The following GALNT2 variants were observed in gnomAD, a reference collection of about 807,000 sequenced individuals.
GALNT2 encodes polypeptide N-acetylgalactosaminyltransferase 2.
GALNT2 carries 31 observed loss-of-function variants against 81.4 expected under a neutral mutation model. The observed-to-expected ratio is 0.38, with a 90% CI of 0.29 to 0.51. The LOEUF (loss-of-function observed/expected upper bound fraction) is 0.51. Among genes scored for constraint, GALNT2 ranks in the 20% least tolerant of loss-of-function variants. GALNT2 has a pLI of 0.87. For synonymous variants in GALNT2, 303 were observed against 287.4 expected (o/e 1.05, Z -0.55); for missense variants, 629 against 765.7 (o/e 0.82, Z 2.11).
At chr1:230,196,021 G>A (rs1027979198) in intron 2 of GALNT2, among the ~76,000 whole-genome samples, 3 of 152,168 alleles carry the variant, frequency 2.0e-5, no homozygotes, top group Non-Finnish European at 4.4e-5. Flanking sequence ...AGCATCCTTC[G>A]TTCCACAGCC....
At chr1:230,060,418 C>T (rs4846895) in intron 1 of GALNT2, among the ~76,000 whole-genome samples, 135,135 of 152,134 alleles carry the variant, frequency 0.89, 60,133 homozygotes, top group Admixed American at 0.93. Flanking sequence ...AGAGTCTCTC[C>T]GCAGACTCAG....
At chr1:230,097,486 A>G (rs1057168522) in intron 1 of GALNT2, among the ~76,000 whole-genome samples, 1 of 152,224 alleles carries the variant, frequency 6.6e-6, no homozygotes, top group African/African-American at 2.4e-5. Flanking sequence ...TATTAGTGGA[A>G]TCATACAGTA....
At chr1:230,252,840 C>CTCCTT (rs1665590023) in intron 10 of GALNT2, among the ~76,000 whole-genome samples, 1 of 80,548 alleles carries the variant, frequency 1.2e-5, no homozygotes, top group African/African-American at 5.3e-5. Flanking sequence ...ATAGAGACAA[C>CTCCTT]TTCTTTTTTT....
At chr1:230,197,298 G>A (rs1308953531) in intron 2 of GALNT2, among the ~76,000 whole-genome samples, 3 of 152,180 alleles carry the variant, frequency 2.0e-5, no homozygotes, top group Non-Finnish European at 2.9e-5. Context: ...TGGGGAGGGC[G>A]GGAGGTACTC....
At chr1:230,260,588 G>C (rs1318914327) in intron 11 of GALNT2, among the ~76,000 whole-genome samples, 2 of 152,190 alleles carry the variant, frequency 1.3e-5, no homozygotes, top group Admixed American at 6.5e-5. Flanking sequence ...TCATGTCCCT[G>C]TTGGGGAAAT....
chr1:230,219,772 T>C (rs1389977395), intron 3 of GALNT2, among the ~76,000 whole-genome samples: 1 of 152,184 alleles, frequency 6.6e-6, no homozygotes, highest in Non-Finnish European at 1.5e-5. Flanking sequence ...CCACTGCCCT[T>C]CTAAACCTTT....
intron 1 of GALNT2, among the ~76,000 whole-genome samples, chr1:230,134,416 T>C (rs1248645888): frequency 2.0e-5 from 3 of 152,206 alleles, no homozygotes; most frequent in Admixed American, 2.0e-4. Flanking sequence ...CTATTTGGTA[T>C]TTTTGAGAAG....
Position 230,156,590 on chromosome 1 carries a change from A to G in GALNT2, c.127-21628A>G, listed in dbSNP as rs114509943. 7.3e-3 allele frequency among the ~76,000 whole-genome samples: 1,115 copies of G among 152,298 alleles called. 12 individuals carry two copies. Among genetic ancestry groups the G allele is most frequent in the African/African-American group, 0.026 (1,070 of 41,556 alleles). On this transcript the variant is annotated intron_variant, in intron 1 of 15. Coordinates refer to ENST00000366672, the MANE Select transcript of GALNT2 (RefSeq NM_004481.5). ...TTTTATTATCGTTTGTCACGGATCA[A>G]TTTATTTTTTTGGCCCTTAAACTAT...
intron 1 of GALNT2, among the ~76,000 whole-genome samples, chr1:230,166,257 A>G (rs1414376118): frequency 6.6e-6 from 1 of 152,274 alleles, no homozygotes; most frequent in Non-Finnish European, 1.5e-5. Flanking sequence ...TACATTTTAA[A>G]TGAATAAAAA....
chr1:230,100,858 A>T (rs1177271445), intron 1 of GALNT2, among the ~76,000 whole-genome samples: 1 of 123,852 alleles, frequency 8.1e-6, no homozygotes, highest in Non-Finnish European at 1.7e-5. Flanking sequence ...TAGGAAGTGT[A>T]TGGGAAATAT....
intron 1 of GALNT2, among the ~76,000 whole-genome samples, chr1:230,169,861 C>G (rs1448189274): frequency 6.6e-6 from 1 of 152,136 alleles, no homozygotes; most frequent in South Asian, 2.1e-4. Context: ...TAGAAATTTG[C>G]CCTCCTCTCA....
intron 15 of GALNT2, among the ~76,000 whole-genome samples, chr1:230,277,829 G>A (rs1365150410): frequency 6.6e-6 from 1 of 152,164 alleles, no homozygotes; most frequent in Non-Finnish European, 1.5e-5. Flanking sequence ...TTGCCAGTTG[G>A]AACATTTGGT....
chr1:230,069,693 A>G (rs1388723641), intron 1 of GALNT2, among the ~76,000 whole-genome samples: 1 of 114,020 alleles, frequency 8.8e-6, no homozygotes, highest in Non-Finnish European at 2.1e-5. Context: ...AATTTATTTC[A>G]TTCTCATACC....
Position 230,261,081 on chromosome 1 carries a change from CTTTTTTTT to C in GALNT2, c.1137-1481_1137-1474del, listed in dbSNP as rs60478941. ...CCTCATATTTAGTCATAAAGTTTCT[CTTTTTTTT>C]TTTTTTTTTTGCTATTATAAACAAA... On this transcript the variant is annotated intron_variant, in intron 11 of 15. Transcript: ENST00000366672. 1.1e-4 allele frequency among the ~76,000 whole-genome samples: 14 copies of C among 130,388 alleles called. No homozygotes were observed. The East Asian group carries it at 1.3e-3, about 12-fold the overall frequency. 85.5% of individuals were successfully genotyped at this position (130,388 alleles called of 152,430 possible). A position where few individuals can be genotyped will look rare whatever the true frequency, so the allele number is the denominator to read the frequency against.
chr1:230,094,198 A>G (rs1000720298), intron 1 of GALNT2, among the ~76,000 whole-genome samples: 8 of 107,606 alleles, frequency 7.4e-5, no homozygotes, highest in South Asian at 3.1e-4. Flanking sequence ...TTTGGTAGAG[A>G]TTGGGTTTTG....
At chr1:230,172,587 G>T (rs950516501) in intron 1 of GALNT2, among the ~76,000 whole-genome samples, 1 of 152,186 alleles carries the variant, frequency 6.6e-6, no homozygotes, top group East Asian at 1.9e-4. Flanking sequence ...TGCCCTGCAC[G>T]CATAGATTCG....
chr1:230,111,115 GTGGCATGGGCATA>G (rs1286438985), intron 1 of GALNT2, among the ~76,000 whole-genome samples: 5 of 152,228 alleles, frequency 3.3e-5, no homozygotes, highest in African/African-American at 1.2e-4. Flanking sequence ...ATATGGGCAT[GTGGCATGGGCATA>G]TGGCACATGC....
chr1:230,277,269 C>T (rs564939477), intron 15 of GALNT2, among the ~76,000 whole-genome samples: 1 of 152,302 alleles, frequency 6.6e-6, no homozygotes, highest in Non-Finnish European at 1.5e-5. Flanking sequence ...CCACCCCCAA[C>T]CACAATCCCA....
At chr1:230,157,453 T>C (rs993920926) in intron 1 of GALNT2, among the ~76,000 whole-genome samples, 1 of 152,210 alleles carries the variant, frequency 6.6e-6, no homozygotes, top group African/African-American at 2.4e-5. Flanking sequence ...GCTAAACACA[T>C]GTTCTCATAC....
Sources: allele counts gnomAD v4.1 joint callset (sites outside exome capture counted in the v4.1 genomes callset), GRCh38; gene constraint gnomAD v4.1.1; transcripts MANE v1.5; gene names NCBI Gene and HGNC (gene_info 2026-07-23, HGNC 2026-07-21).